SPAG1: variants seen among roughly 807,000 people sequenced by gnomAD.
SPAG1 encodes the protein sperm-associated antigen 1.
Under a neutral mutation model 100.5 loss-of-function variants are expected in SPAG1, and 69 were observed. The observed-to-expected ratio is 0.69, with a 90% confidence interval of 0.57 to 0.84. The LOEUF (loss-of-function observed/expected upper bound fraction) is 0.84. Among genes scored for constraint, SPAG1 ranks in the 40% least tolerant of loss-of-function variants. The probability of loss-of-function intolerance (pLI) is 0.00; values close to 1 mark genes in which losing one functional copy is unlikely to be tolerated. For synonymous variants in SPAG1, 336 were observed against 411.6 expected (o/e 0.82, Z 2.22); for missense variants, 955 against 1,133.1 (o/e 0.84, Z 2.26).
intron 9 of SPAG1, 79 bp downstream of exon 9, chr8:100,191,575 C>A: frequency 1.0e-6 from 1 of 971,910 alleles, no homozygotes; most frequent in South Asian, 1.5e-5. Context: ...ATCAATCTTG[C>A]CAAACAAATT....
intron 12 of SPAG1, among the ~76,000 whole-genome samples, chr8:100,215,222 G>A (rs1358829342): frequency 1.3e-5 from 2 of 151,282 alleles, no homozygotes; most frequent in African/African-American, 4.9e-5. Flanking sequence ...GTCTTATACA[G>A]CTTCGTACCC....
intron 12 of SPAG1, among the ~76,000 whole-genome samples, chr8:100,217,870 C>T (rs1178618738): frequency 6.6e-6 from 1 of 152,162 alleles, no homozygotes; most frequent in Non-Finnish European, 1.5e-5. Flanking sequence ...GCAGCCTCTG[C>T]CTCCTGGGTT....
chr8:100,236,794 A>G (rs975024394), intron 16 of SPAG1, among the ~76,000 whole-genome samples: 7 of 152,194 alleles, frequency 4.6e-5, no homozygotes, highest in African/African-American at 1.7e-4. Flanking sequence ...GAATAAAGAC[A>G]TGGTGCCTAC....
intron 10 of SPAG1, among the ~76,000 whole-genome samples, chr8:100,204,648 G>A (rs1336352176): frequency 6.6e-6 from 1 of 152,220 alleles, no homozygotes; most frequent in African/African-American, 2.4e-5. Context: ...AAGGCTTAGG[G>A]AGATTGGGAT....
intron 14 of SPAG1, among the ~76,000 whole-genome samples, chr8:100,228,971 C>T (rs941913677): frequency 6.6e-6 from 1 of 152,016 alleles, no homozygotes; most frequent in African/African-American, 2.4e-5. Context: ...CTGAAAGGGC[C>T]CAGACAGGCT....
chr8:100,158,097 C>G (rs564777238), upstream of SPAG1: 149 of 152,494 alleles, frequency 9.8e-4, no homozygotes, highest in African/African-American at 3.5e-3. Context: ...GCGACTTCCC[C>G]GACGCGGGGC....
At chr8:100,237,340 C>T (rs1357650885) in intron 16 of SPAG1, among the ~76,000 whole-genome samples, 1 of 152,128 alleles carries the variant, frequency 6.6e-6, no homozygotes, top group Non-Finnish European at 1.5e-5. Flanking sequence ...CTTGGCCTCC[C>T]AAAGTGCTGG....
intron 12 of SPAG1, among the ~76,000 whole-genome samples, chr8:100,216,709 G>A (rs982467719): frequency 6.6e-6 from 1 of 152,184 alleles, no homozygotes; most frequent in Non-Finnish European, 1.5e-5. Flanking sequence ...AAGAGAAATG[G>A]AGATGAGGCC....
chr8:100,205,798 C>T (rs528869964), intron 10 of SPAG1, among the ~76,000 whole-genome samples: 49 of 151,786 alleles, frequency 3.2e-4, no homozygotes, highest in East Asian at 2.1e-3. Flanking sequence ...GGGCAGATCA[C>T]GAGGTCAAGA....
intron 15 of SPAG1, among the ~76,000 whole-genome samples, chr8:100,232,885 T>G (rs1818841718): frequency 6.6e-6 from 1 of 152,234 alleles, no homozygotes. Flanking sequence ...CATATGGAAC[T>G]CTTCTTAATT....
chr8:100,200,926 T>C (rs1445968833), intron 10 of SPAG1, among the ~76,000 whole-genome samples: 1 of 152,202 alleles, frequency 6.6e-6, no homozygotes, highest in Non-Finnish European at 1.5e-5. Flanking sequence ...TAGTTTCTTT[T>C]GCTGGATGCA....
chr8:100,213,494 C>T, intron 11 of SPAG1, 66 bp downstream of exon 11: 1 of 1,254,162 alleles, frequency 8.0e-7, no homozygotes, highest in African/African-American at 1.6e-5. Context: ...CCTCCGGGGC[C>T]CCCGTGGGAG....
chr8:100,165,410 A>G (rs945897803), intron 2 of SPAG1: 4 of 455,652 alleles, frequency 8.8e-6, no homozygotes, highest in African/African-American at 4.0e-5. Context: ...TACTTTCAGG[A>G]ACAGAGTACT....
Position 100,240,945 on chromosome 8 carries a change from G to A in SPAG1, c.2704G>A (p.Glu902Lys), listed in dbSNP as rs1358693993. 6.2e-7 allele frequency: 1 copy of A among 1,608,458 alleles called. No homozygotes were observed. Among genetic ancestry groups the A allele is most frequent in the Admixed American group, 1.7e-5 (1 of 59,418 alleles). The change falls in exon 19 of 19, where the codon GAG becomes AAG. Residue 902 changes from glutamate (E) to lysine (K), a missense_variant. Glu to Lys is a moderately conservative substitution (Grantham distance 56). Transcript: ENST00000388798. ...GQKELIEQLF[E>K]DLSDTPNNHF... is the part of the protein sequence containing the mutation. ...AAAGGAGCTAATTGAACAGCTGTTT[G>A]AGGACCTTTCGGACACACCAAACAA...
chr8:100,233,318 T>C (rs1818861109), intron 15 of SPAG1, 93 bp from the exon 16 acceptor site: 3 of 1,360,750 alleles, frequency 2.2e-6, no homozygotes, highest in Non-Finnish European at 3.1e-6. Context: ...AACAGACATA[T>C]TGAGCTATTT....
chr8:100,192,482 T>C (rs1478943078), intron 9 of SPAG1, among the ~76,000 whole-genome samples: 4 of 152,190 alleles, frequency 2.6e-5, no homozygotes, highest in African/African-American at 9.7e-5. Context: ...GCCAAGGTTG[T>C]TCTCAGTACA....
intron 13 of SPAG1, among the ~76,000 whole-genome samples, chr8:100,221,947 C>T (rs1220638936): frequency 6.6e-6 from 1 of 152,212 alleles, no homozygotes; most frequent in Non-Finnish European, 1.5e-5. Context: ...TGATCCCAGC[C>T]TGCCTAGAAG....
chr8:100,175,819 T>C (rs896229520), intron 3 of SPAG1, among the ~76,000 whole-genome samples: 1 of 152,144 alleles, frequency 6.6e-6, no homozygotes, highest in Non-Finnish European at 1.5e-5. Flanking sequence ...ACAGAAAAAG[T>C]GTTCTTGAAC....
intron 7 of SPAG1, 70 bp downstream of exon 7, chr8:100,184,803 T>C (rs1816518652): frequency 2.3e-6 from 2 of 865,472 alleles, no homozygotes; most frequent in Non-Finnish European, 3.6e-6. Context: ...GTTGAAACAA[T>C]ATAAATAAGC....
Sources: allele counts gnomAD v4.1 joint callset (sites outside exome capture counted in the v4.1 genomes callset), GRCh38; gene constraint gnomAD v4.1.1; transcripts MANE v1.5; gene names NCBI Gene and HGNC (gene_info 2026-07-23, HGNC 2026-07-21).